POFUT3: variants seen among roughly 807,000 people sequenced by gnomAD.
POFUT3 encodes protein O-fucosyltransferase 3.
chr8:33,367,197 T>C, the POFUT3 span, among the ~76,000 whole-genome samples: 1 of 152,224 alleles, frequency 6.6e-6, no homozygotes, highest in East Asian at 1.9e-4. Context: ...ATGTTCATGA[T>C]GGCCATAACG....
At chr8:33,446,444 A>G in the POFUT3 span, among the ~76,000 whole-genome samples, 1 of 132,924 alleles carries the variant, frequency 7.5e-6, no homozygotes, top group African/African-American at 3.1e-5. Flanking sequence ...GTGACAAGGC[A>G]AGATCCTATT....
the POFUT3 span, among the ~76,000 whole-genome samples, chr8:33,400,150 A>AAAT: frequency 7.3e-6 from 1 of 136,882 alleles, no homozygotes; most frequent in South Asian, 2.6e-4. Context: ...AAAAAAAAAG[A>AAAT]TGGTGGGGGG....
the POFUT3 span, among the ~76,000 whole-genome samples, chr8:33,421,091 A>T: frequency 6.6e-6 from 1 of 152,054 alleles, no homozygotes; most frequent in Admixed American, 6.5e-5. Context: ...TTTAATTTTT[A>T]AAATTTTTAT....
the POFUT3 span, among the ~76,000 whole-genome samples, chr8:33,334,606 G>T: frequency 6.6e-6 from 1 of 152,200 alleles, no homozygotes; most frequent in East Asian, 1.9e-4. Flanking sequence ...TACCTATGAT[G>T]CTGGTCCATG....
chr8:33,425,934 C>A, the POFUT3 span, among the ~76,000 whole-genome samples: 1 of 151,302 alleles, frequency 6.6e-6, no homozygotes, highest in African/African-American at 2.4e-5. Context: ...AGTGAATTCA[C>A]TCTTGTTGCT....
the POFUT3 span, among the ~76,000 whole-genome samples, chr8:33,450,248 C>A: frequency 2.0e-5 from 3 of 152,104 alleles, no homozygotes; most frequent in Non-Finnish European, 4.4e-5. Context: ...GCCTATGAAG[C>A]CTTTCTTGAT....
chr8:33,309,783 C>T, the POFUT3 span, among the ~76,000 whole-genome samples: 3 of 152,066 alleles, frequency 2.0e-5, no homozygotes, highest in Admixed American at 6.6e-5. Context: ...TGGATAAAAA[C>T]ATTTCAGCCA....
the POFUT3 span, among the ~76,000 whole-genome samples, chr8:33,379,849 AT>A: frequency 3.0e-3 from 42 of 13,810 alleles, no homozygotes; most frequent in Non-Finnish European, 3.6e-3. Flanking sequence ...AAAAAAAAAT[AT>A]ATATATATAT....
chr8:33,396,603 TTTTA>T, the POFUT3 span, among the ~76,000 whole-genome samples: 1 of 152,196 alleles, frequency 6.6e-6, no homozygotes, highest in Non-Finnish European at 1.5e-5. Flanking sequence ...AATGCAAGCC[TTTTA>T]TTTAAGAAGG....
the POFUT3 span, among the ~76,000 whole-genome samples, chr8:33,434,457 T>C: frequency 4.6e-5 from 7 of 152,186 alleles, no homozygotes; most frequent in Non-Finnish European, 7.3e-5. Flanking sequence ...GAGGGCATGA[T>C]GGAAAGGCAA....
At chr8:33,343,742 A>G in the POFUT3 span, among the ~76,000 whole-genome samples, 4 of 152,250 alleles carry the variant, frequency 2.6e-5, no homozygotes, top group Non-Finnish European at 5.9e-5. Flanking sequence ...GGTTTCCTAG[A>G]AAAATGGGAG....
At chr8:33,361,762 T>G in the POFUT3 span, among the ~76,000 whole-genome samples, 1 of 152,192 alleles carries the variant, frequency 6.6e-6, no homozygotes, top group Non-Finnish European at 1.5e-5. Context: ...TGCAAAATAA[T>G]CATAATTTCC....
At chr8:33,426,348 C>A in the POFUT3 span, among the ~76,000 whole-genome samples, 1 of 152,098 alleles carries the variant, frequency 6.6e-6, no homozygotes, top group African/African-American at 2.4e-5. Flanking sequence ...TCATTTTGGG[C>A]TAAATATTTT....
the POFUT3 span, among the ~76,000 whole-genome samples, chr8:33,379,354 T>C: frequency 6.6e-6 from 1 of 151,618 alleles, no homozygotes; most frequent in African/African-American, 2.4e-5. Flanking sequence ...AACATTGATC[T>C]TGGTCTCTAT....
chr8:33,398,304 A>G, the POFUT3 span, among the ~76,000 whole-genome samples: 1 of 152,252 alleles, frequency 6.6e-6, no homozygotes, highest in African/African-American at 2.4e-5. Context: ...CCCACCGTTC[A>G]GATTCAAAAA....
the POFUT3 span, among the ~76,000 whole-genome samples, chr8:33,459,353 T>C: frequency 2.6e-5 from 4 of 151,494 alleles, no homozygotes; most frequent in African/African-American, 9.7e-5. Context: ...AAAAAAGTCC[T>C]GTGGAAGCCA....
chr8:33,426,015 T>C, the POFUT3 span, among the ~76,000 whole-genome samples: 1 of 152,110 alleles, frequency 6.6e-6, no homozygotes, highest in Non-Finnish European at 1.5e-5. Flanking sequence ...GCAATTCTCC[T>C]GCCTCAGCCT....
chr8:33,427,883 T>C, the POFUT3 span, among the ~76,000 whole-genome samples: 1 of 152,038 alleles, frequency 6.6e-6, no homozygotes, highest in African/African-American at 2.4e-5. Flanking sequence ...TCCCAGCACT[T>C]TGGGAGGCTG....
At chr8:33,409,184 C>A in the POFUT3 span, among the ~76,000 whole-genome samples, 1 of 152,170 alleles carries the variant, frequency 6.6e-6, no homozygotes, top group African/African-American at 2.4e-5. Context: ...CTCACTGCAA[C>A]CTCTGACTCC....
Sources: gnomAD v4.1 joint callset for allele counts (sites outside exome capture counted in the v4.1 genomes callset) on GRCh38, gnomAD v4.1.1 for gene constraint, MANE v1.5 for transcripts, NCBI Gene and HGNC (gene_info 2026-07-23, HGNC 2026-07-21) for gene names.